Variants in OPCML observed in about 807,000 individuals in gnomAD.
OPCML encodes the protein opioid-binding protein/cell adhesion molecule.
OPCML carries 13 observed loss-of-function variants against 37.8 expected under a neutral mutation model. The observed-to-expected ratio is 0.34, with a 90% confidence interval of 0.22 to 0.55. OPCML has a LOEUF of 0.55. Ranked by LOEUF, OPCML falls within the 20% of genes least tolerant of loss-of-function variation. OPCML has a pLI of 0.91. For synonymous variants in OPCML, 176 were observed against 168.8 expected (o/e 1.04, Z -0.33); for missense variants, 341 against 435.6 (o/e 0.78, Z 1.93).
intron 3 of OPCML, among the ~76,000 whole-genome samples, chr11:132,638,356 T>A (rs557271607): frequency 3.9e-4 from 59 of 152,110 alleles, no homozygotes; most frequent in African/African-American, 1.4e-3. Flanking sequence ...AAAAGTCATA[T>A]TCTGTGGCTT....
intron 1 of OPCML, chr11:133,422,077 C>T (rs1945899051): frequency 1.1e-6 from 1 of 938,194 alleles, no homozygotes; most frequent in Non-Finnish European, 1.3e-6. Context: ...ATCCACCCGT[C>T]ATCTACATTA....
chr11:133,388,792 A>G (rs1172175646), intron 1 of OPCML, among the ~76,000 whole-genome samples: 1 of 152,198 alleles, frequency 6.6e-6, no homozygotes, highest in Non-Finnish European at 1.5e-5. Context: ...AACCCAGGTT[A>G]TGAGGCTGAA....
chr11:132,476,214 G>C (rs1043496192), intron 4 of OPCML, among the ~76,000 whole-genome samples: 15 of 152,224 alleles, frequency 9.9e-5, no homozygotes, highest in African/African-American at 2.4e-5. Context: ...CTTTAAAAAA[G>C]TGCTACTTCC....
intron 2 of OPCML, among the ~76,000 whole-genome samples, chr11:132,668,070 G>A (rs982938651): frequency 6.6e-6 from 1 of 152,164 alleles, no homozygotes; most frequent in Non-Finnish European, 1.5e-5. Context: ...AGAGAATGTG[G>A]TAGGCTCAAT....
At chr11:132,516,605 G>A (rs2096280344) in intron 4 of OPCML, among the ~76,000 whole-genome samples, 1 of 152,168 alleles carries the variant, frequency 6.6e-6, no homozygotes. Context: ...TTTCTGGCCA[G>A]GGTGGAGCAT....
chr11:133,081,241 C>T (rs1004918601), intron 1 of OPCML, among the ~76,000 whole-genome samples: 15 of 152,082 alleles, frequency 9.9e-5, no homozygotes, highest in African/African-American at 3.6e-4. Context: ...AGGGTTAGGG[C>T]TCTTTGAACA....
At chr11:132,854,811 T>G (rs748586629) in intron 2 of OPCML, among the ~76,000 whole-genome samples, 13 of 152,176 alleles carry the variant, frequency 8.5e-5, no homozygotes, top group Non-Finnish European at 1.9e-4. Flanking sequence ...ATGTAAGTCT[T>G]TGTGGGACAT....
intron 2 of OPCML, among the ~76,000 whole-genome samples, chr11:132,740,049 C>T (rs1240103849): frequency 6.6e-6 from 1 of 152,192 alleles, no homozygotes; most frequent in Non-Finnish European, 1.5e-5. Context: ...GTATTTGAAT[C>T]TAACCTGTCA....
intron 2 of OPCML, among the ~76,000 whole-genome samples, chr11:132,730,724 A>G (rs950075694): frequency 2.0e-5 from 3 of 152,168 alleles, no homozygotes; most frequent in African/African-American, 4.8e-5. Flanking sequence ...AGCCCAAACT[A>G]AGACAGGCAC....
At chr11:132,988,596 C>A (rs778878231) in intron 1 of OPCML, among the ~76,000 whole-genome samples, 1 of 152,188 alleles carries the variant, frequency 6.6e-6, no homozygotes, top group East Asian at 1.9e-4. Flanking sequence ...AGGTCTCCCT[C>A]GCCCTGTTTG....
intron 1 of OPCML, among the ~76,000 whole-genome samples, chr11:133,410,001 G>A (rs56892153): frequency 0.09 from 13,713 of 151,996 alleles, 1,810 homozygotes; most frequent in African/African-American, 0.29. Context: ...GCTAGAAGGT[G>A]AAGAAGGCAG....
chr11:132,426,527 G>T (rs2095978208), intron 7 of OPCML, among the ~76,000 whole-genome samples: 1 of 152,060 alleles, frequency 6.6e-6, no homozygotes, highest in African/African-American at 2.4e-5. Flanking sequence ...CTGCCTTTCA[G>T]GTTCAAGTGA....
chr11:133,450,179 G>A (rs925989551), intron 1 of OPCML, among the ~76,000 whole-genome samples: 12 of 151,624 alleles, frequency 7.9e-5, no homozygotes, highest in African/African-American at 1.5e-4. Context: ...CAACTTTGCC[G>A]CTTCCTTACT....
intron 1 of OPCML, among the ~76,000 whole-genome samples, chr11:133,507,719 C>A (rs575175363): frequency 6.6e-6 from 1 of 151,960 alleles, no homozygotes; most frequent in East Asian, 1.9e-4. Context: ...CCGAGGCGGG[C>A]GGACCACCTG....
intron 4 of OPCML, among the ~76,000 whole-genome samples, chr11:132,476,276 G>T (rs901727708): frequency 4.6e-5 from 7 of 152,076 alleles, no homozygotes. Context: ...GTGGAAGTCA[G>T]TGTGGCGATT....
At chr11:132,759,514 C>T (rs548128752) in intron 2 of OPCML, among the ~76,000 whole-genome samples, 42 of 152,160 alleles carry the variant, frequency 2.8e-4, no homozygotes, top group African/African-American at 6.3e-4. Flanking sequence ...TGATTACTTC[C>T]GGGATTAGTC....
intron 1 of OPCML, among the ~76,000 whole-genome samples, chr11:133,031,156 T>A (rs370187174): frequency 8.5e-5 from 13 of 152,140 alleles, no homozygotes; most frequent in African/African-American, 3.1e-4. Context: ...CTTCAAGAGA[T>A]GAATGGATAG....
chr11:133,287,648 G>C (rs1489082490), intron 1 of OPCML, among the ~76,000 whole-genome samples: 2 of 152,144 alleles, frequency 1.3e-5, no homozygotes, highest in Admixed American at 1.3e-4. Context: ...TGGGGCAGGG[G>C]CTCCCAGCAG....
At chr11:132,969,099 A>C in intron 1 of OPCML, among the ~76,000 whole-genome samples, 3 of 148,224 alleles carry the variant, frequency 2.0e-5, no homozygotes, top group Admixed American at 6.7e-5. Context: ...TTTACCCCTC[A>C]CCCCCCTCCC....
Sources: allele counts gnomAD v4.1 joint callset (sites outside exome capture counted in the v4.1 genomes callset), GRCh38; gene constraint gnomAD v4.1.1; transcripts MANE v1.5; gene names NCBI Gene and HGNC (gene_info 2026-07-23, HGNC 2026-07-21).